SORCS3: variants seen among roughly 807,000 people sequenced by gnomAD.
SORCS3 encodes sortilin related VPS10 domain containing receptor 3.
A neutral mutation model predicts 146.3 loss-of-function variants in SORCS3; 57 were observed. The ratio of observed to expected loss-of-function variants is 0.39; its 90% CI spans 0.31 to 0.49. The LOEUF (loss-of-function observed/expected upper bound fraction) is 0.49. SORCS3 is among the 20% of genes least tolerant of loss of function. The probability of loss-of-function intolerance (pLI) is 0.92; values close to 1 mark genes in which losing one functional copy is unlikely to be tolerated. For synonymous variants in SORCS3, 653 were observed against 618.5 expected (o/e 1.06, Z -0.83); for missense variants, 1,341 against 1,575.5 (o/e 0.85, Z 2.52).
intron 16 of SORCS3, among the ~76,000 whole-genome samples, chr10:105,208,272 C>T (rs183365246): frequency 2.7e-5 from 4 of 149,076 alleles, no homozygotes; most frequent in South Asian, 2.1e-4. Context: ...ACCTGGGAGG[C>T]GGAGGTTTCA....
chr10:105,181,839 A>C (rs1253149078), intron 14 of SORCS3, among the ~76,000 whole-genome samples: 2 of 152,294 alleles, frequency 1.3e-5, no homozygotes, highest in South Asian at 2.1e-4. Flanking sequence ...TGGCTGTTGC[A>C]GCACTTGGGC....
chr10:104,827,625 A>G (rs10884051), intron 1 of SORCS3, among the ~76,000 whole-genome samples: 84,822 of 151,920 alleles, frequency 0.56, 25,946 homozygotes, highest in East Asian at 0.85. Context: ...GATTTTTGGA[A>G]TGGTAAGTGA....
chr10:104,695,236 TA>T (rs200018131), intron 1 of SORCS3, among the ~76,000 whole-genome samples: 3,512 of 152,220 alleles, frequency 0.023, 50 homozygotes, highest in Non-Finnish European at 0.034. Flanking sequence ...TTAAGCAAAC[TA>T]AATCTTTTAG....
chr10:104,842,337 C>T (rs1820913387), intron 1 of SORCS3, among the ~76,000 whole-genome samples: 2 of 152,300 alleles, frequency 1.3e-5, no homozygotes, highest in Non-Finnish European at 2.9e-5. Context: ...TCTCTTTGAA[C>T]CCCTTTTACA....
intron 22 of SORCS3, among the ~76,000 whole-genome samples, chr10:105,251,101 T>C (rs190197649): frequency 6.4e-4 from 98 of 152,282 alleles, no homozygotes; most frequent in African/African-American, 2.2e-3. Flanking sequence ...ATTCTCAAAC[T>C]TGTATACCCG....
intron 1 of SORCS3, among the ~76,000 whole-genome samples, chr10:104,701,761 CAA>C (rs1364937441): frequency 2.0e-5 from 3 of 152,136 alleles, no homozygotes; most frequent in African/African-American, 7.2e-5. Context: ...ATATTATTGA[CAA>C]GAGGCTTCTA....
intron 2 of SORCS3, among the ~76,000 whole-genome samples, chr10:104,870,332 A>G (rs192502073): frequency 4.7e-4 from 71 of 152,352 alleles, no homozygotes; most frequent in Non-Finnish European, 9.0e-4. Flanking sequence ...GTAGAGAGTC[A>G]TTCATTCATT....
chr10:104,917,385 G>A (rs2019041915), intron 3 of SORCS3, among the ~76,000 whole-genome samples: 4 of 152,092 alleles, frequency 2.6e-5, no homozygotes, highest in Admixed American at 6.6e-5. Flanking sequence ...ATATAACATT[G>A]TATGTGTTTA....
chr10:104,903,045 A>G (rs2018868240), intron 2 of SORCS3, among the ~76,000 whole-genome samples: 4 of 152,208 alleles, frequency 2.6e-5, no homozygotes, highest in Admixed American at 1.3e-4. Flanking sequence ...GTTTAAATAA[A>G]TGGCCGGGCA....
chr10:105,016,428 T>C (rs904102339), intron 4 of SORCS3, among the ~76,000 whole-genome samples: 12 of 151,678 alleles, frequency 7.9e-5, no homozygotes, highest in African/African-American at 2.9e-4. Context: ...GGATTACAGG[T>C]GTGAGCCACT....
At chr10:105,137,590 A>T (rs2133776956) in intron 7 of SORCS3, among the ~76,000 whole-genome samples, 1 of 152,296 alleles carries the variant, frequency 6.6e-6, no homozygotes, top group South Asian at 2.1e-4. Flanking sequence ...GGTGAGGAGC[A>T]CAGAGGTCTA....
intron 1 of SORCS3, among the ~76,000 whole-genome samples, chr10:104,766,898 A>G (rs1260874240): frequency 6.6e-6 from 1 of 152,170 alleles, no homozygotes; most frequent in African/African-American, 2.4e-5. Context: ...TCTGTGACAT[A>G]TTGTCCCATT....
intron 1 of SORCS3, among the ~76,000 whole-genome samples, chr10:104,790,541 A>C (rs1401842451): frequency 6.6e-6 from 1 of 152,144 alleles, no homozygotes; most frequent in East Asian, 1.9e-4. Flanking sequence ...AGTCTTCTCC[A>C]ATGCTCCGGA....
chr10:104,715,819 C>A (rs1459076827), intron 1 of SORCS3, among the ~76,000 whole-genome samples: 1 of 152,202 alleles, frequency 6.6e-6, no homozygotes, highest in Non-Finnish European at 1.5e-5. Context: ...AGCCTTAGAT[C>A]TATTCTCCCT....
chr10:105,211,118 A>G lies in SORCS3; in HGVS notation c.2262-19A>G. 3.2e-6 allele frequency: 5 copies of G among 1,554,004 alleles called. No individual in the cohort carries two copies. Among genetic ancestry groups the G allele is most frequent in the Non-Finnish European group, 4.4e-6 (5 of 1,125,370 alleles). ...GTTTGTACATATATACTACTATGCA[A>G]TATTCATTTTCCTGACAGTGACTAT... On this transcript the variant is annotated intron_variant, in intron 16 of 26. Coordinates refer to ENST00000369701, the MANE Select transcript of SORCS3 (RefSeq NM_014978.3).
intron 1 of SORCS3, among the ~76,000 whole-genome samples, chr10:104,767,172 T>C (rs2017190731): frequency 6.6e-6 from 1 of 152,182 alleles, no homozygotes; most frequent in Admixed American, 6.5e-5. Flanking sequence ...CCAGCTTAAG[T>C]GTAAGCCCTC....
intron 1 of SORCS3, among the ~76,000 whole-genome samples, chr10:104,710,044 A>G (rs528924149): frequency 1.3e-5 from 2 of 152,284 alleles, no homozygotes; most frequent in Admixed American, 6.5e-5. Flanking sequence ...CTGCAGGGGT[A>G]GAATTTATTT....
chr10:104,787,170 G>C (rs2017446757), intron 1 of SORCS3, among the ~76,000 whole-genome samples: 1 of 152,170 alleles, frequency 6.6e-6, no homozygotes, highest in South Asian at 2.1e-4. Context: ...CTCATCAGTT[G>C]TGATCTGTTT....
intron 24 of SORCS3, 124 bp from the exon 25 acceptor site, chr10:105,256,695 G>T: frequency 1.5e-6 from 1 of 683,506 alleles, no homozygotes; most frequent in Non-Finnish European, 2.5e-6. Flanking sequence ...ATCAGGCAGG[G>T]GAATTGGAGA....
Sources: allele counts gnomAD v4.1 joint callset (sites outside exome capture counted in the v4.1 genomes callset), GRCh38; gene constraint gnomAD v4.1.1; transcripts MANE v1.5; gene names NCBI Gene and HGNC (gene_info 2026-07-23, HGNC 2026-07-21).